Variants in SLIT3 observed in about 807,000 individuals in gnomAD.
SLIT3 encodes slit homolog 3 protein.
SLIT3 carries 68 observed loss-of-function variants against 184.0 expected under a neutral mutation model. The ratio of observed to expected loss-of-function variants is 0.37; its 90% confidence interval spans 0.30 to 0.45. The LOEUF (loss-of-function observed/expected upper bound fraction) is 0.45, where lower values mean the gene tolerates loss of function less well. SLIT3 is among the 20% of genes least tolerant of loss of function. The pLI, the probability that SLIT3 is intolerant of heterozygous loss-of-function variation, is 1.00. For missense variants in SLIT3, 1,707 were observed against 2,026.0 expected (o/e 0.84, Z 3.02); for synonymous variants, 831 against 828.6 (o/e 1.00, Z -0.05).
chr5:168,838,864 T>G (rs764374216), intron 6 of SLIT3, among the ~76,000 whole-genome samples: 2 of 152,194 alleles, frequency 1.3e-5, no homozygotes, highest in African/African-American at 4.8e-5. Context: ...TGGTTAGTTC[T>G]GCTATTGCTT....
At chr5:168,766,739 C>T (rs1441796843) in intron 14 of SLIT3, among the ~76,000 whole-genome samples, 1 of 152,212 alleles carries the variant, frequency 6.6e-6, no homozygotes, top group Non-Finnish European at 1.5e-5. Context: ...ATGCCCCTCT[C>T]TGTAAGGTGG....
chr5:168,909,388 A>G (rs372382222), intron 4 of SLIT3, among the ~76,000 whole-genome samples: 7 of 152,168 alleles, frequency 4.6e-5, no homozygotes, highest in Admixed American at 2.0e-4. Flanking sequence ...ATATCCATCA[A>G]TTTAGGTCCT....
intron 4 of SLIT3, among the ~76,000 whole-genome samples, chr5:169,087,175 C>A (rs1240927971): frequency 2.0e-5 from 3 of 152,122 alleles, no homozygotes; most frequent in Non-Finnish European, 2.9e-5. Context: ...GCTTCTTCCC[C>A]CGGATATTCT....
chr5:168,725,319 T>C (rs989866314), intron 20 of SLIT3, among the ~76,000 whole-genome samples: 1 of 152,232 alleles, frequency 6.6e-6, no homozygotes, highest in African/African-American at 2.4e-5. Context: ...ATTGTAATTA[T>C]GTAATCATGA....
intron 4 of SLIT3, among the ~76,000 whole-genome samples, chr5:168,909,293 A>T (rs938327635): frequency 2.6e-5 from 4 of 151,768 alleles, no homozygotes. Context: ...CAAATTCTTT[A>T]AAAAAAAATC....
At chr5:169,126,609 A>G (rs1761089168) in intron 4 of SLIT3, among the ~76,000 whole-genome samples, 1 of 152,190 alleles carries the variant, frequency 6.6e-6, no homozygotes, top group African/African-American at 2.4e-5. Flanking sequence ...CAAGCACTAC[A>G]TCATCTGCTT....
rs1392213990 is a variant in SLIT3 at position 168,753,068 on chromosome 5, C to A, written c.1860G>T (p.Val620=). 1 of 1,614,108 alleles carries A rather than the reference C, an allele frequency of 6.2e-7. No homozygotes were observed. Among genetic ancestry groups the A allele is most frequent in the Non-Finnish European group, 8.5e-7 (1 of 1,180,002 alleles). The stretch of plus-strand genomic sequence containing the variant: ...TCAGGCCGGCAAAGGTGTCATTACT[C>A]ACACAGCCGATCAAGTTACTCCTCA... ...LMLRSNLIGC[V]SNDTFAGLSS... is the part of the protein sequence containing the mutation. Residue 620 remains valine (V), a synonymous_variant, in exon 18 of 36, where the codon GTG becomes GTT. Transcript: ENST00000519560.
chr5:168,732,292 A>G (rs1763310993), intron 20 of SLIT3, among the ~76,000 whole-genome samples: 1 of 152,126 alleles, frequency 6.6e-6, no homozygotes, highest in Non-Finnish European at 1.5e-5. Context: ...ACTACAAAAC[A>G]CTGATGGAAG....
intron 4 of SLIT3, among the ~76,000 whole-genome samples, chr5:169,132,339 C>T (rs1006837984): frequency 1.3e-5 from 2 of 152,016 alleles, no homozygotes; most frequent in African/African-American, 4.8e-5. Context: ...GAAGGCATGC[C>T]AAGTCTGTAT....
intron 27 of SLIT3, among the ~76,000 whole-genome samples, chr5:168,697,294 CA>C (rs1762091966): frequency 6.6e-6 from 1 of 152,184 alleles, no homozygotes; most frequent in Non-Finnish European, 1.5e-5. Flanking sequence ...GCATTTCCTT[CA>C]CTTGTCTCTA....
chr5:168,696,534 T>C, intron 27 of SLIT3, 103 bp from the exon 28 acceptor site: 1 of 1,380,952 alleles, frequency 7.2e-7, no homozygotes, highest in Non-Finnish European at 1.0e-6. Context: ...CAATTAGTTT[T>C]TCCTCCAGAT....
At chr5:169,287,504 G>A (rs372175471) in intron 1 of SLIT3, among the ~76,000 whole-genome samples, 1 of 152,152 alleles carries the variant, frequency 6.6e-6, no homozygotes, top group East Asian at 1.9e-4. Flanking sequence ...TTTCATAAGG[G>A]CAGACCACAC....
chr5:169,215,659 T>A (rs1340372796), intron 3 of SLIT3, among the ~76,000 whole-genome samples: 1 of 152,150 alleles, frequency 6.6e-6, no homozygotes, highest in Non-Finnish European at 1.5e-5. Flanking sequence ...CTGCTTGCCA[T>A]CCCCTGCCCA....
intron 4 of SLIT3, among the ~76,000 whole-genome samples, chr5:169,086,401 T>A (rs558928052): frequency 6.6e-6 from 1 of 152,380 alleles, no homozygotes; most frequent in East Asian, 1.9e-4. Flanking sequence ...AACTAGTTAA[T>A]GCATGTGTTC....
At chr5:168,851,648 C>T (rs560392064) in intron 5 of SLIT3, among the ~76,000 whole-genome samples, 14 of 152,230 alleles carry the variant, frequency 9.2e-5, no homozygotes, top group Admixed American at 7.2e-4. Flanking sequence ...TTTTATACCT[C>T]GGTGGCCCAA....
At chr5:168,761,803 A>C (rs1005651048) in intron 15 of SLIT3, among the ~76,000 whole-genome samples, 2 of 151,816 alleles carry the variant, frequency 1.3e-5, no homozygotes, top group East Asian at 3.9e-4. Context: ...CAGTGGTATG[A>C]TCATAGCTCA....
intron 3 of SLIT3, among the ~76,000 whole-genome samples, chr5:169,205,471 A>C (rs1183087747): frequency 6.6e-6 from 1 of 152,320 alleles, no homozygotes; most frequent in African/African-American, 2.4e-5. Context: ...ACCTACTAGG[A>C]TATCCATTCA....
chr5:168,673,640 A>C (rs141134926), intron 32 of SLIT3, among the ~76,000 whole-genome samples: 1 of 152,292 alleles, frequency 6.6e-6, no homozygotes, highest in African/African-American at 2.4e-5. Flanking sequence ...CTCAGTGTGC[A>C]TTTCCTAAGG....
intron 6 of SLIT3, among the ~76,000 whole-genome samples, chr5:168,828,948 C>T (rs1443575576): frequency 1.3e-5 from 2 of 152,154 alleles, no homozygotes; most frequent in African/African-American, 2.4e-5. Context: ...CTGGGGCAGG[C>T]GTGGTGTTTC....
Sources: gnomAD v4.1 joint callset for allele counts (sites outside exome capture counted in the v4.1 genomes callset) on GRCh38, gnomAD v4.1.1 for gene constraint, MANE v1.5 for transcripts, NCBI Gene and HGNC (gene_info 2026-07-23, HGNC 2026-07-21) for gene names.